Variants in TLL1 observed in about 807,000 individuals in gnomAD.
The protein encoded by TLL1 is tolloid like 1, also known as tolloid-like protein 1.
TLL1 carries 49 observed loss-of-function variants against 128.2 expected under a neutral mutation model. That is an observed-to-expected ratio of 0.38 (90% confidence interval 0.30 to 0.48). The LOEUF (loss-of-function observed/expected upper bound fraction) is 0.48. Ranked by LOEUF, TLL1 falls within the 20% of genes least tolerant of loss-of-function variation. The pLI, the probability that TLL1 is intolerant of heterozygous loss-of-function variation, is 0.96. For missense variants in TLL1, 1,123 were observed against 1,242.0 expected (o/e 0.90, Z 1.44); for synonymous variants, 454 against 418.8 (o/e 1.08, Z -1.03).
chr4:165,895,055 C>T (rs1731609812), intron 1 of TLL1, among the ~76,000 whole-genome samples: 1 of 152,070 alleles, frequency 6.6e-6, no homozygotes, highest in Non-Finnish European at 1.5e-5. Flanking sequence ...AGATAAATTA[C>T]ACTGATTGAT....
At chr4:165,982,343 G>A (rs1274735866) in intron 1 of TLL1, among the ~76,000 whole-genome samples, 2 of 151,874 alleles carry the variant, frequency 1.3e-5, no homozygotes, top group Non-Finnish European at 2.9e-5. Context: ...TTTTGTGCTT[G>A]TTTTAGAGTG....
At position 166,091,328 on chromosome 4, in the gene TLL1, T is replaced by C. The variant is rs2646914; in HGVS notation, c.2643T>C (p.Ala881=). 1 allele frequency: 1,604,925 copies of C among 1,612,484 alleles called. 799,018 individuals carry two copies. The highest frequency in any genetic ancestry group is 1 in the East Asian group (44,656 of 44,656). Residue 881 remains alanine (A), a synonymous_variant, in exon 19 of 21, where the codon GCT becomes GCC. Coordinates refer to ENST00000061240, the MANE Select transcript of TLL1 (RefSeq NM_012464.5). ...CTGTTCAAAGAAAAGGCTTTCAAGC[T>C]ACACATTCTACAGGTCAGCAAATTC... is the stretch of plus-strand genomic sequence containing the variant. ...DASVQRKGFQ[A]THSTECGGRL...
chr4:166,008,548 T>A (rs1428009999), intron 7 of TLL1, among the ~76,000 whole-genome samples: 1 of 151,552 alleles, frequency 6.6e-6, no homozygotes, highest in Non-Finnish European at 1.5e-5. Context: ...AATTGTCAAA[T>A]AACAAATTAG....
At position 166,055,185 on chromosome 4, in the gene TLL1, T is replaced by C; in HGVS notation, c.1634T>C (p.Ile545Thr). The C allele has an allele frequency of 6.2e-7, 1 of 1,613,698 alleles. No homozygotes were observed. Among genetic ancestry groups the C allele is most frequent in the Non-Finnish European group, 8.5e-7 (1 of 1,179,780 alleles). ...TGTGGTTATGACAAACCTGAAGACA[T>C]AAGATCTACCTCCAATACTTTGTGG... The part of the protein sequence containing the change: ...RFCGYDKPED[I>T]RSTSNTLWMK... Residue 545 changes from isoleucine (I) to threonine (T), a missense_variant, in exon 13 of 21, where the codon ATA (isoleucine) becomes ACA (threonine). Physicochemically the swap from Ile to Thr is moderately conservative, Grantham distance 89 (BLOSUM62 -1). Transcript: ENST00000061240.
intron 9 of TLL1, among the ~76,000 whole-genome samples, chr4:166,038,172 T>A (rs1739083621): frequency 6.6e-6 from 1 of 152,164 alleles, no homozygotes; most frequent in African/African-American, 2.4e-5. Flanking sequence ...GAATATGGAT[T>A]CAGTATTGAT....
At chr4:166,061,331 C>T (rs768525712) in intron 15 of TLL1, among the ~76,000 whole-genome samples, 2 of 151,434 alleles carry the variant, frequency 1.3e-5, no homozygotes, top group East Asian at 2.0e-4. Context: ...CTGCAACCTC[C>T]GCCTCCTGGG....
At chr4:166,042,174 C>G in intron 11 of TLL1, 31 bp downstream of exon 11, 1 of 1,323,090 alleles carries the variant, frequency 7.6e-7, no homozygotes, top group Non-Finnish European at 1.1e-6. Flanking sequence ...GAGAGTAGTT[C>G]ATCTTATATC....
At chr4:165,900,545 G>A (rs534595875) in intron 1 of TLL1, among the ~76,000 whole-genome samples, 1,796 of 150,664 alleles carry the variant, frequency 0.012, 32 homozygotes, top group African/African-American at 0.041. Context: ...TTTTCTTTAA[G>A]AATGTTGAAT....
At chr4:165,913,984 A>C (rs1288230433) in intron 1 of TLL1, among the ~76,000 whole-genome samples, 2 of 152,006 alleles carry the variant, frequency 1.3e-5, no homozygotes, top group Non-Finnish European at 2.9e-5. Flanking sequence ...CCTGCACTCC[A>C]GCCTGGATGC....
At chr4:166,021,327 T>C (rs560088740) in intron 8 of TLL1, among the ~76,000 whole-genome samples, 1 of 152,118 alleles carries the variant, frequency 6.6e-6, no homozygotes, top group Admixed American at 6.6e-5. Flanking sequence ...GCCAGGGCCA[T>C]CCAGCAGCCC....
At chr4:166,091,531 T>G (rs1258974448) in intron 19 of TLL1, among the ~76,000 whole-genome samples, 190 bp downstream of exon 19, 21 of 152,146 alleles carry the variant, frequency 1.4e-4, no homozygotes, top group Non-Finnish European at 1.5e-5. Flanking sequence ...TTGTTGAGTT[T>G]TAGGAAAACC....
At position 165,932,854 on chromosome 4, in the gene TLL1, A is replaced by G. The variant is rs557839199; in HGVS notation, c.170-56527A>G. 5.9e-5 allele frequency among the ~76,000 whole-genome samples: 9 copies of G among 152,240 alleles called. No individual in the cohort carries two copies. In the South Asian group the frequency reaches 1.2e-3, roughly 21 times the overall value. ...TTGCTGAACTGTGGAATAAATTGTG[A>G]TATTGAATTGTTCAATGTATGGAAA... On this transcript the variant is annotated intron_variant, in intron 1 of 20. Coordinates refer to ENST00000061240, the MANE Select transcript of TLL1 (RefSeq NM_012464.5).
chr4:165,898,855 T>C (rs1235628276), intron 1 of TLL1, among the ~76,000 whole-genome samples: 1 of 152,202 alleles, frequency 6.6e-6, no homozygotes. Flanking sequence ...ATCTGTCTGG[T>C]CCTGGGCTTT....
At chr4:165,954,785 A>G (rs1348291120) in intron 1 of TLL1, among the ~76,000 whole-genome samples, 1 of 152,178 alleles carries the variant, frequency 6.6e-6, no homozygotes, top group Non-Finnish European at 1.5e-5. Flanking sequence ...AATAAGGAAT[A>G]TAGAAACAAA....
intron 1 of TLL1, among the ~76,000 whole-genome samples, chr4:165,929,366 G>A (rs2062794): frequency 0.21 from 32,414 of 151,948 alleles, 4,010 homozygotes; most frequent in East Asian, 0.49. Context: ...ATGAAACCTC[G>A]TCTTTACTGA....
intron 1 of TLL1, among the ~76,000 whole-genome samples, chr4:165,917,563 T>C (rs973988092): frequency 2.6e-5 from 4 of 152,154 alleles, no homozygotes; most frequent in Non-Finnish European, 5.9e-5. Context: ...TTTGTACTTA[T>C]AACATCTATT....
rs150404745 is a variant in TLL1 at position 166,041,702 on chromosome 4, A to G, written c.1262-325A>G. On this transcript the variant is annotated intron_variant, in intron 10 of 20. Transcript: ENST00000061240. ...GCACCTTTTTTCTGTTCCCCATTAA[A>G]TAATATTCCCCACCTTGATGCATCA... is the stretch of plus-strand genomic sequence containing the variant. Among the ~76,000 whole-genome samples, 201 of 152,300 alleles carry G rather than the reference A, an allele frequency of 1.3e-3. 1 individual carries two copies. The highest frequency in any genetic ancestry group is 4.3e-3 in the African/African-American group (180 of 41,562).
intron 1 of TLL1, among the ~76,000 whole-genome samples, chr4:165,888,309 A>C (rs2110825483): frequency 6.6e-6 from 1 of 152,304 alleles, no homozygotes; most frequent in East Asian, 1.9e-4. Flanking sequence ...GTTTACTAAA[A>C]ATGATATAAT....
chr4:165,941,401 C>T (rs1044465030), intron 1 of TLL1, among the ~76,000 whole-genome samples: 3 of 152,046 alleles, frequency 2.0e-5, no homozygotes, highest in Non-Finnish European at 4.4e-5. Context: ...GAGAAGAAAT[C>T]ATTTGAAAGC....
Sources: allele counts gnomAD v4.1 joint callset (sites outside exome capture counted in the v4.1 genomes callset), GRCh38; gene constraint gnomAD v4.1.1; transcripts MANE v1.5; gene names NCBI Gene and HGNC (gene_info 2026-07-23, HGNC 2026-07-21).